SPIDR: variants seen among roughly 807,000 people sequenced by gnomAD.
SPIDR encodes scaffold protein involved in DNA repair, also known as DNA repair-scaffolding protein.
Under a neutral mutation model 104.6 loss-of-function variants are expected in SPIDR, and 93 were observed. The ratio of observed to expected loss-of-function variants is 0.89; its 90% CI spans 0.75 to 1.06. SPIDR has a LOEUF of 1.06. Ranked by LOEUF, SPIDR falls within the 50% of genes least tolerant of loss-of-function variation. The pLI, the probability that SPIDR is intolerant of heterozygous loss-of-function variation, is 0.00. For synonymous variants in SPIDR, 431 were observed against 416.9 expected, an observed-to-expected ratio of 1.03 and a Z score of -0.41; for missense variants, 1,154 against 1,111.2, an observed-to-expected ratio of 1.04 and a Z score of -0.55.
chr8:47,488,840 T>C (rs1195108944), intron 8 of SPIDR, among the ~76,000 whole-genome samples: 1 of 152,200 alleles, frequency 6.6e-6, no homozygotes, highest in African/African-American at 2.4e-5. Flanking sequence ...TAGGTATTGA[T>C]GGGACGTATC....
At chr8:47,730,309 C>T (rs1356687962) in intron 19 of SPIDR, among the ~76,000 whole-genome samples, 1 of 152,166 alleles carries the variant, frequency 6.6e-6, no homozygotes, top group East Asian at 1.9e-4. Context: ...AGACATCTGT[C>T]CTAGAGATGC....
rs62539109 is a variant in SPIDR at position 47,558,185 on chromosome 8, A to G, written c.1098-37626A>G. 3.7e-3 allele frequency among the ~76,000 whole-genome samples: 568 copies of G among 152,256 alleles called. 2 individuals are homozygous for G. Among genetic ancestry groups the G allele is most frequent in the Non-Finnish European group, 5.9e-3 (398 of 68,012 alleles). On this transcript the variant is annotated intron_variant, in intron 8 of 19. Transcript: ENST00000297423. ...GGAGGGAGCAGGGCAAGGTTGAAAA[A>G]CTACTTACTTGGTACTATGTTCACT...
intron 8 of SPIDR, among the ~76,000 whole-genome samples, chr8:47,513,963 T>C (rs1428632240): frequency 1.3e-5 from 2 of 152,206 alleles, no homozygotes; most frequent in African/African-American, 4.8e-5. Flanking sequence ...ATGTGCCTTC[T>C]TGGGCTGTGG....
intron 2 of SPIDR, 89 bp from the exon 3 acceptor site, chr8:47,283,939 G>C (rs1328547441): frequency 1.1e-6 from 1 of 925,918 alleles, no homozygotes; most frequent in Non-Finnish European, 1.7e-6. Context: ...ATATGTTAAG[G>C]AGAGTGTAGT....
At chr8:47,419,303 A>G (rs2064978012) in intron 7 of SPIDR, 1 of 152,078 alleles carries the variant, frequency 6.6e-6, no homozygotes, top group Admixed American at 6.6e-5. Context: ...AGAGCCTGTT[A>G]TTGGTCTATT....
intron 7 of SPIDR, among the ~76,000 whole-genome samples, chr8:47,425,490 A>C (rs1470735124): frequency 6.6e-6 from 1 of 152,240 alleles, no homozygotes; most frequent in African/African-American, 2.4e-5. Context: ...AGCGAGCTTC[A>C]TATTTACAGT....
rs1050343166 is a variant in SPIDR at position 47,274,463 on chromosome 8, C to T, written c.34-5399C>T. Among the ~76,000 whole-genome samples the T allele has an allele frequency of 3.0e-3, 458 of 152,170 alleles. 1 individual carries two copies. The highest frequency in any genetic ancestry group is 0.01 in the African/African-American group (417 of 41,510). ...CAGTATCTTCCTAATAAAGGAATCACGAGAAGTAAAATTGTAAAGTTCCTG... is the reference window on the plus strand; with the variant it reads ...CAGTATCTTCCTAATAAAGGAATCATGAGAAGTAAAATTGTAAAGTTCCTG... On this transcript the variant is annotated intron_variant, in intron 1 of 19. Transcript: ENST00000297423.
At position 47,407,954 on chromosome 8, in the gene SPIDR, A is replaced by G. The variant is rs782211605; in HGVS notation, c.870A>G (p.Thr290=). Residue 290 remains threonine (T), a synonymous_variant, in exon 7 of 20, where the codon ACA becomes ACG. Transcript: ENST00000297423. ...ATCAATGTATTTCTTACCAAAAGACACTTTCAGGTAAGGCTTGTGCAGGAA... is the reference window on the plus strand; with the variant it reads ...ATCAATGTATTTCTTACCAAAAGACGCTTTCAGGTAAGGCTTGTGCAGGAA... ...WRHQCISYQK[T]LSGRKSGVLT... is the part of the protein sequence containing the mutation. 7.0e-6 allele frequency: 11 copies of G among 1,570,664 alleles called. No homozygotes were observed. In the East Asian group the frequency reaches 1.8e-4, roughly 26 times the overall value.
chr8:47,374,546 C>A (rs1180246768), intron 5 of SPIDR, among the ~76,000 whole-genome samples: 1 of 152,142 alleles, frequency 6.6e-6, no homozygotes, highest in East Asian at 1.9e-4. Flanking sequence ...GTCTAAATAT[C>A]CAGTCAGGTG....
chr8:47,336,769 T>G (rs2049841150), intron 5 of SPIDR, among the ~76,000 whole-genome samples: 1 of 152,238 alleles, frequency 6.6e-6, no homozygotes, highest in African/African-American at 2.4e-5. Context: ...TCAATATGTG[T>G]GCAGTTCTCT....
intron 8 of SPIDR, among the ~76,000 whole-genome samples, chr8:47,557,801 G>C (rs1250192738): frequency 6.6e-6 from 1 of 152,100 alleles, no homozygotes; most frequent in Admixed American, 6.5e-5. Flanking sequence ...CAAGACTTTT[G>C]TGCTCTTTAA....
Position 47,599,048 on chromosome 8 carries a change from C to G in SPIDR, c.1396C>G (p.Leu466Val). Residue 466 changes from leucine (L) to valine (V), a missense_variant, in exon 10 of 20, where the codon CTG becomes GTG. Transcript: ENST00000297423. ...PTSTPLRDSL[L>V]DVVESQGAAS... ...CAGCACTCCCCTGAGGGATTCTCTCCTGGATGTGGTGGAAAGCCAGGGAGC... is the reference window on the plus strand; with the variant it reads ...CAGCACTCCCCTGAGGGATTCTCTCGTGGATGTGGTGGAAAGCCAGGGAGC... The G allele has an allele frequency of 6.2e-7, 1 of 1,613,036 alleles. No homozygotes were observed. Among genetic ancestry groups the G allele is most frequent in the Non-Finnish European group, 8.5e-7 (1 of 1,179,502 alleles).
intron 8 of SPIDR, among the ~76,000 whole-genome samples, chr8:47,563,806 T>C (rs1470888507): frequency 6.6e-6 from 1 of 152,190 alleles, no homozygotes; most frequent in Non-Finnish European, 1.5e-5. Flanking sequence ...ATTTGAGTTA[T>C]AGGACATCTG....
At chr8:47,394,015 T>A (rs1303565460) in intron 5 of SPIDR, among the ~76,000 whole-genome samples, 1 of 152,030 alleles carries the variant, frequency 6.6e-6, no homozygotes, top group African/African-American at 2.4e-5. Flanking sequence ...AAAGCCATTC[T>A]CCTGCCTCAG....
At chr8:47,604,046 T>C (rs2062641472) in intron 10 of SPIDR, among the ~76,000 whole-genome samples, 1 of 152,184 alleles carries the variant, frequency 6.6e-6, no homozygotes, top group Non-Finnish European at 1.5e-5. Flanking sequence ...GTCTCTGTGC[T>C]CCTGGAGCAT....
intron 5 of SPIDR, among the ~76,000 whole-genome samples, chr8:47,374,083 C>G (rs1389814956): frequency 6.6e-6 from 1 of 152,020 alleles, no homozygotes; most frequent in Non-Finnish European, 1.5e-5. Flanking sequence ...CTTTTTTTCT[C>G]TTATTCATCT....
chr8:47,516,951 A>G (rs1212562363), intron 8 of SPIDR, among the ~76,000 whole-genome samples: 1 of 151,998 alleles, frequency 6.6e-6, no homozygotes, highest in Non-Finnish European at 1.5e-5. Flanking sequence ...TCTTTTTTTG[A>G]TAATTGCCAT....
intron 8 of SPIDR, among the ~76,000 whole-genome samples, chr8:47,494,397 C>G (rs1417792990): frequency 6.6e-6 from 1 of 151,936 alleles, no homozygotes; most frequent in Non-Finnish European, 1.5e-5. Context: ...CTCAGACAAT[C>G]CTCCCACCTC....
In SPIDR at chr8:47,291,099, T is replaced by A; in HGVS notation, c.323T>A (p.Leu108Ter). 6.2e-7 allele frequency: 1 copy of A among 1,613,328 alleles called. No homozygotes were observed. Among genetic ancestry groups the A allele is most frequent in the Non-Finnish European group, 8.5e-7 (1 of 1,179,498 alleles). Residue 108 changes from leucine to a stop codon, truncating the protein, a stop_gained, in exon 4 of 20, where the codon TTG becomes TAG. Transcript: ENST00000297423. LOFTEE classifies it high-confidence loss of function. ...DITWSSSGSDLSDEDKTLSQL... is the reference protein window; with the variant it reads ...DITWSSSGSD ...ACATGGAGCTCCAGTGGAAGTGATTTGTCGGATGAAGATAAGACACTTTCT... is the reference window on the plus strand; with the variant it reads ...ACATGGAGCTCCAGTGGAAGTGATTAGTCGGATGAAGATAAGACACTTTCT...
Sources: gnomAD v4.1 joint callset for allele counts (sites outside exome capture counted in the v4.1 genomes callset) on GRCh38, gnomAD v4.1.1 for gene constraint, MANE v1.5 for transcripts, NCBI Gene and HGNC (gene_info 2026-07-23, HGNC 2026-07-21) for gene names.